Variants in CCDC149 observed in about 807,000 individuals in gnomAD.
CCDC149 encodes the protein coiled-coil domain-containing protein 149.
Under a neutral mutation model 59.9 loss-of-function variants are expected in CCDC149, and 45 were observed. That is an observed-to-expected ratio of 0.75 (90% CI 0.59 to 0.96). The LOEUF is 0.96. Among genes scored for constraint, CCDC149 ranks in the 40% least tolerant of loss-of-function variants. The pLI, the probability that CCDC149 is intolerant of heterozygous loss-of-function variation, is 0.00. For synonymous variants in CCDC149, 245 were observed against 260.6 expected (o/e 0.94, Z 0.58); for missense variants, 584 against 664.7 (o/e 0.88, Z 1.33).
At chr4:24,921,649 A>G (rs1255176560) in intron 1 of CCDC149, among the ~76,000 whole-genome samples, 1 of 152,080 alleles carries the variant, frequency 6.6e-6, no homozygotes, top group African/African-American at 2.4e-5. Context: ...ACCTGCCATC[A>G]CCCGCCAGCG....
intron 1 of CCDC149, among the ~76,000 whole-genome samples, chr4:24,894,612 T>C (rs1720734849): frequency 6.6e-6 from 1 of 152,070 alleles, no homozygotes; most frequent in Non-Finnish European, 1.5e-5. Context: ...TTCTCTCCTC[T>C]TTAAGAAGAA....
chr4:24,973,471 T>C (rs577236299), intron 1 of CCDC149, among the ~76,000 whole-genome samples: 26 of 152,304 alleles, frequency 1.7e-4, no homozygotes, highest in Admixed American at 1.6e-3. Context: ...TAAAGTGCAT[T>C]TAAAAAAAGT....
upstream of CCDC149, among the ~76,000 whole-genome samples, chr4:24,916,899 C>T (rs1040950170): frequency 2.0e-5 from 3 of 151,452 alleles, no homozygotes; most frequent in African/African-American, 7.3e-5. Context: ...GCCCCTATAG[C>T]CTGGCTGCTA....
chr4:24,924,208 A>T (rs1459296087), intron 1 of CCDC149, among the ~76,000 whole-genome samples: 1 of 152,122 alleles, frequency 6.6e-6, no homozygotes, highest in Non-Finnish European at 1.5e-5. Context: ...ATCTTAAGCC[A>T]TAAAGTGATG....
intron 1 of CCDC149, among the ~76,000 whole-genome samples, chr4:24,938,382 A>G (rs906409222): frequency 3.9e-5 from 6 of 152,264 alleles, no homozygotes; most frequent in Admixed American, 6.5e-5. Context: ...AGGTAGACAT[A>G]TCATCATTTG....
chr4:24,809,129 C>T (rs531425265), intron 12 of CCDC149, among the ~76,000 whole-genome samples: 2 of 152,146 alleles, frequency 1.3e-5, no homozygotes, highest in Non-Finnish European at 2.9e-5. Flanking sequence ...GCTCCTTGTG[C>T]CCATTAAATA....
At chr4:24,814,886 A>G (rs935738907) in intron 12 of CCDC149, among the ~76,000 whole-genome samples, 5 of 152,122 alleles carry the variant, frequency 3.3e-5, no homozygotes, top group African/African-American at 1.2e-4. Context: ...CCCAGCACCT[A>G]TACTTAGAAA....
chr4:24,939,979 T>C (rs1722906743), intron 1 of CCDC149, among the ~76,000 whole-genome samples: 2 of 152,182 alleles, frequency 1.3e-5, no homozygotes, highest in Non-Finnish European at 2.9e-5. Flanking sequence ...TTGCAGGATA[T>C]TATCCAGGAG....
At chr4:24,975,258 A>G (rs1724129595) in intron 1 of CCDC149, among the ~76,000 whole-genome samples, 1 of 151,284 alleles carries the variant, frequency 6.6e-6, no homozygotes, top group Non-Finnish European at 1.5e-5. Flanking sequence ...ACAGACTAAA[A>G]CAGGAAGGGA....
intron 1 of CCDC149, among the ~76,000 whole-genome samples, chr4:24,932,574 T>C (rs548217848): frequency 4.6e-5 from 7 of 152,336 alleles, no homozygotes; most frequent in Admixed American, 4.6e-4. Context: ...GGTCTTCTTT[T>C]GAGTCCTCAA....
chr4:24,922,422 G>A (rs931772471), intron 1 of CCDC149, among the ~76,000 whole-genome samples: 2 of 152,192 alleles, frequency 1.3e-5, no homozygotes, highest in African/African-American at 2.4e-5. Context: ...CACTCACTCA[G>A]TAATATTTGC....
chr4:24,866,781 C>A (rs1391905600), intron 3 of CCDC149, among the ~76,000 whole-genome samples: 1 of 82,584 alleles, frequency 1.2e-5, no homozygotes. Flanking sequence ...ACGCGAAGAC[C>A]CAAAAAGCAA....
chr4:24,821,225 T>C, intron 10 of CCDC149, 138 bp from the exon 11 acceptor site: 1 of 415,830 alleles, frequency 2.4e-6, no homozygotes, highest in Non-Finnish European at 4.1e-6. Context: ...TAATATAAAC[T>C]GTAGAAATGA....
intron 1 of CCDC149, among the ~76,000 whole-genome samples, chr4:24,972,314 T>TTTCTG (rs1237502260): frequency 6.6e-6 from 1 of 151,642 alleles, no homozygotes; most frequent in Non-Finnish European, 1.5e-5. Flanking sequence ...TTTCTTTTCT[T>TTTCTG]TTCTTTTCTT....
intron 3 of CCDC149, among the ~76,000 whole-genome samples, chr4:24,868,385 G>C (rs1413043561): frequency 5.9e-5 from 9 of 152,100 alleles, no homozygotes; most frequent in Admixed American, 5.9e-4. Flanking sequence ...TGTAAAATAT[G>C]TTTAAGGGAC....
At chr4:24,922,810 C>T (rs11721701) in intron 1 of CCDC149, among the ~76,000 whole-genome samples, 60,924 of 152,036 alleles carry the variant, frequency 0.4, 14,472 homozygotes, top group Non-Finnish European at 0.54. Context: ...GGTTTTCTTG[C>T]GTACCCCTTT....
At chr4:24,827,031 T>C (rs1485255510) in intron 9 of CCDC149, 1 of 152,242 alleles carries the variant, frequency 6.6e-6, no homozygotes, top group East Asian at 1.9e-4. Context: ...TTTCAGCATG[T>C]ATCTACCTAG....
chr4:24,805,354 G>C (rs28614114), downstream of CCDC149, among the ~76,000 whole-genome samples: 1 of 152,148 alleles, frequency 6.6e-6, no homozygotes, highest in Non-Finnish European at 1.5e-5. Context: ...TGCCAGGGAG[G>C]GGGGATGAGA....
At position 24,876,045 on chromosome 4, in the gene CCDC149, G is replaced by C. The variant is rs565915390; in HGVS notation, c.225+491C>G. Reference sequence around the variant, plus strand: ...CACCATTCCCCTCCATCCCACCTGGGATGTGAATCACCCCTTCATCCAGGG... The same window carrying C: ...CACCATTCCCCTCCATCCCACCTGGCATGTGAATCACCCCTTCATCCAGGG... On this transcript the variant is annotated intron_variant, in intron 2 of 12. Coordinates refer to ENST00000635206, the MANE Select transcript of CCDC149 (RefSeq NM_001330643.2). Among the ~76,000 whole-genome samples, 20 of 152,116 alleles carry C rather than the reference G, an allele frequency of 1.3e-4. No homozygotes were observed. The South Asian group carries it at 4.2e-3, about 32-fold the overall frequency.
Sources: gnomAD v4.1 joint callset for allele counts (sites outside exome capture counted in the v4.1 genomes callset) on GRCh38, gnomAD v4.1.1 for gene constraint, MANE v1.5 for transcripts, NCBI Gene and HGNC (gene_info 2026-07-23, HGNC 2026-07-21) for gene names.